The following DCC variants were observed in gnomAD, a reference collection of about 807,000 sequenced individuals.
DCC encodes DCC netrin 1 receptor.
DCC carries 58 observed loss-of-function variants against 172.5 expected under a neutral mutation model. That is an observed-to-expected ratio of 0.34 (90% CI 0.27 to 0.42). The LOEUF (loss-of-function observed/expected upper bound fraction) is 0.42. Among genes scored for constraint, DCC ranks in the 10% least tolerant of loss-of-function variants. DCC has a pLI of 1.00. For missense variants in DCC, 1,740 were observed against 1,791.0 expected (o/e 0.97, Z 0.51); for synonymous variants, 709 against 644.5 (o/e 1.10, Z -1.52).
At chr18:52,555,601 G>C (rs1457523252) in intron 1 of DCC, among the ~76,000 whole-genome samples, 1 of 152,094 alleles carries the variant, frequency 6.6e-6, no homozygotes, top group African/African-American at 2.4e-5. Flanking sequence ...AAGACTGGGA[G>C]CATGGATATT....
intron 3 of DCC, among the ~76,000 whole-genome samples, chr18:52,920,969 G>A (rs1420199536): frequency 1.3e-5 from 2 of 152,078 alleles, no homozygotes; most frequent in Non-Finnish European, 2.9e-5. Flanking sequence ...TCCTGGAAAA[G>A]GTACAACTAT....
intron 1 of DCC, among the ~76,000 whole-genome samples, chr18:52,348,606 G>T (rs1983981622): frequency 6.6e-6 from 1 of 152,086 alleles, no homozygotes; most frequent in African/African-American, 2.4e-5. Context: ...ACAATTCTAT[G>T]ATTCTGTTTC....
intron 1 of DCC, among the ~76,000 whole-genome samples, chr18:52,743,873 G>T (rs1322683043): frequency 1.3e-5 from 2 of 152,204 alleles, no homozygotes; most frequent in African/African-American, 4.8e-5. Context: ...AATCGGTTCA[G>T]CACCCTTTTG....
chr18:53,468,278 T>C (rs1430412591), intron 25 of DCC, among the ~76,000 whole-genome samples: 1 of 151,308 alleles, frequency 6.6e-6, no homozygotes, highest in Non-Finnish European at 1.5e-5. Context: ...TGAATTCACA[T>C]AAAAGAGCTG....
At chr18:52,992,160 TTC>T (rs1354316058) in intron 5 of DCC, among the ~76,000 whole-genome samples, 2 of 152,210 alleles carry the variant, frequency 1.3e-5, no homozygotes, top group Non-Finnish European at 2.9e-5. Context: ...CGCTTAGTCA[TTC>T]TCTGTTTCCT....
intron 9 of DCC, among the ~76,000 whole-genome samples, chr18:53,204,301 G>T (rs1459933283): frequency 1.3e-5 from 2 of 152,130 alleles, no homozygotes; most frequent in Admixed American, 1.3e-4. Context: ...CAGCACTTCG[G>T]GATGCCAAGG....
intron 24 of DCC, among the ~76,000 whole-genome samples, chr18:53,460,151 A>G: frequency 1.3e-5 from 1 of 74,454 alleles, no homozygotes; most frequent in Non-Finnish European, 4.0e-5. Context: ...AAATAATTGT[A>G]AGATAGTTCA....
At position 52,340,626 on chromosome 18, in the gene DCC, C is replaced by G; in HGVS notation, c.-162C>G. On this transcript the variant is annotated 5_prime_UTR_variant, in exon 1 of 29. Transcript: ENST00000442544. The stretch of plus-strand genomic sequence containing the variant: ...AAAAAGGCTTCGAAGGCAGCAGAGG[C>G]GCAGGGGAGGTGGAGAAAGAGGTGG... 2.7e-6 allele frequency: 2 copies of G among 738,702 alleles called. No homozygotes were observed. The highest frequency in any genetic ancestry group is 1.7e-5 in the African/African-American group (1 of 58,390). 45.8% of individuals were successfully genotyped at this position (738,702 alleles called of 1,614,324 possible). A position where few individuals can be genotyped will look rare whatever the true frequency, so the allele number is the denominator to read the frequency against.
chr18:52,709,686 T>G (rs2036263786), intron 1 of DCC, among the ~76,000 whole-genome samples: 1 of 152,210 alleles, frequency 6.6e-6, no homozygotes, highest in South Asian at 2.1e-4. Flanking sequence ...TGTTAAAGAT[T>G]AATACAACTA....
intron 12 of DCC, among the ~76,000 whole-genome samples, chr18:53,296,967 G>A (rs2057074826): frequency 6.6e-6 from 1 of 152,146 alleles, no homozygotes; most frequent in Non-Finnish European, 1.5e-5. Context: ...TAGAGTAACT[G>A]ACTGTGTTTG....
chr18:53,415,287 T>C (rs987274845), intron 20 of DCC, among the ~76,000 whole-genome samples: 2 of 152,188 alleles, frequency 1.3e-5, no homozygotes, highest in Non-Finnish European at 2.9e-5. Context: ...GTATCCTACC[T>C]ATCAAGTTTG....
At chr18:53,369,230 A>G (rs1488067461) in intron 15 of DCC, among the ~76,000 whole-genome samples, 1 of 151,542 alleles carries the variant, frequency 6.6e-6, no homozygotes, top group Non-Finnish European at 1.5e-5. Flanking sequence ...TCTTTTTCAG[A>G]TTGTTCATTG....
chr18:52,561,873 G>A (rs1387217764), intron 1 of DCC, among the ~76,000 whole-genome samples: 1 of 152,138 alleles, frequency 6.6e-6, no homozygotes, highest in African/African-American at 2.4e-5. Context: ...TCTTATTTCA[G>A]AAGCTATTTC....
chr18:53,262,189 C>T (rs1185194111), intron 12 of DCC, among the ~76,000 whole-genome samples: 1 of 152,188 alleles, frequency 6.6e-6, no homozygotes, highest in Non-Finnish European at 1.5e-5. Flanking sequence ...GACAGAGTTG[C>T]TTTAGCCTAC....
chr18:52,572,001 G>A (rs1269006526), intron 1 of DCC, among the ~76,000 whole-genome samples: 1 of 152,104 alleles, frequency 6.6e-6, no homozygotes, highest in Non-Finnish European at 1.5e-5. Flanking sequence ...TAGAACATAT[G>A]TAACATATAT....
intron 1 of DCC, among the ~76,000 whole-genome samples, chr18:52,417,409 A>T (rs1987077555): frequency 6.6e-6 from 1 of 151,942 alleles, no homozygotes; most frequent in Non-Finnish European, 1.5e-5. Flanking sequence ...CTGAATCTGA[A>T]TGTTGGCCTG....
At chr18:53,437,272 C>T (rs527808692) in intron 22 of DCC, among the ~76,000 whole-genome samples, 2 of 152,154 alleles carry the variant, frequency 1.3e-5, no homozygotes, top group South Asian at 2.1e-4. Flanking sequence ...CCTAACATAC[C>T]CAACAGGTAG....
At chr18:53,345,925 T>A (rs373904643) in intron 15 of DCC, among the ~76,000 whole-genome samples, 2 of 152,076 alleles carry the variant, frequency 1.3e-5, no homozygotes, top group Non-Finnish European at 2.9e-5. Context: ...GATTGCTTTT[T>A]TGTGTCCCTG....
chr18:52,430,407 G>A (rs566158552), intron 1 of DCC, among the ~76,000 whole-genome samples: 8 of 146,612 alleles, frequency 5.5e-5, no homozygotes, highest in Middle Eastern at 3.4e-3. Context: ...AAAATGCATT[G>A]GTTAATTGGA....
Sources: gnomAD v4.1 joint callset for allele counts (sites outside exome capture counted in the v4.1 genomes callset) on GRCh38, gnomAD v4.1.1 for gene constraint, MANE v1.5 for transcripts, NCBI Gene and HGNC (gene_info 2026-07-23, HGNC 2026-07-21) for gene names.